Variants in TCF7L1 observed in about 807,000 individuals in gnomAD.
TCF7L1 encodes the protein transcription factor 7 like 1, also known as transcription factor 7-like 1.
In TCF7L1, 18 loss-of-function variants were observed where a neutral mutation model predicts 63.7. The observed-to-expected ratio is 0.28, with a 90% CI of 0.20 to 0.42. The LOEUF is 0.42. Ranked by LOEUF, TCF7L1 falls within the 10% of genes least tolerant of loss-of-function variation. The pLI is 1.00. For missense variants in TCF7L1, 654 were observed against 779.3 expected (o/e 0.84, Z 1.91); for synonymous variants, 355 against 340.9 (o/e 1.04, Z -0.46).
intron 3 of TCF7L1, among the ~76,000 whole-genome samples, chr2:85,189,121 C>T (rs1678993417): frequency 6.6e-6 from 1 of 152,144 alleles, no homozygotes; most frequent in African/African-American, 2.4e-5. Context: ...GTGGAGGCTG[C>T]CCTTCCCCCC....
intron 3 of TCF7L1, among the ~76,000 whole-genome samples, chr2:85,234,131 CTTTT>C (rs35508338): frequency 3.1e-5 from 2 of 65,210 alleles, no homozygotes; most frequent in East Asian, 7.8e-4. Context: ...TTTTTCTTTT[CTTTT>C]TTTTTTTTTT....
In TCF7L1 at chr2:85,302,676, G is replaced by C. The variant is rs572509646; in HGVS notation, c.658+60G>C. On this transcript the variant is annotated intron_variant, in intron 5 of 11. Coordinates refer to ENST00000282111, the MANE Select transcript of TCF7L1 (RefSeq NM_031283.3). ...GGGCAGGCGGGCTTCTCTTTTGTGGGAACATAACAGCCCTTGAATCAGGCT... is the reference window on the plus strand; with the variant it reads ...GGGCAGGCGGGCTTCTCTTTTGTGGCAACATAACAGCCCTTGAATCAGGCT... 8.4e-4 allele frequency: 1,326 copies of C among 1,572,606 alleles called. 2 individuals carry two copies. The highest frequency in any genetic ancestry group is 1.1e-3 in the Non-Finnish European group (1,227 of 1,159,898).
chr2:85,287,338 TAAATC>T (rs1266446810), intron 4 of TCF7L1, among the ~76,000 whole-genome samples: 3 of 152,236 alleles, frequency 2.0e-5, no homozygotes, highest in Non-Finnish European at 4.4e-5. Flanking sequence ...TTTATTCAAA[TAAATC>T]AACTCTTCAT....
chr2:85,291,046 C>T (rs1275682732), intron 4 of TCF7L1, among the ~76,000 whole-genome samples: 2 of 152,214 alleles, frequency 1.3e-5, no homozygotes, highest in African/African-American at 2.4e-5. Flanking sequence ...TGACAGCCTT[C>T]CTTCCCTTTG....
chr2:85,217,818 A>G (rs569145137), intron 3 of TCF7L1, among the ~76,000 whole-genome samples: 1 of 152,266 alleles, frequency 6.6e-6, no homozygotes, highest in South Asian at 2.1e-4. Context: ...AAAATCTGAC[A>G]TGCCCCAGTC....
Position 85,134,157 on chromosome 2 carries a change from C to G in TCF7L1, c.313+78C>G. ...GCTCAGCCCGGGCGGCCCACCGTCCCCCTTGCTTGGGTGGACGCACCCTTG... is the reference window on the plus strand; with the variant it reads ...GCTCAGCCCGGGCGGCCCACCGTCCGCCTTGCTTGGGTGGACGCACCCTTG... On this transcript the variant is annotated intron_variant, in intron 2 of 11. Coordinates refer to ENST00000282111, the MANE Select transcript of TCF7L1 (RefSeq NM_031283.3). The surrounding 1 kb of genome is among the most constrained non-coding windows in gnomAD (Gnocchi z 5.0). 6.4e-7 allele frequency: 1 copy of G among 1,563,936 alleles called. No homozygotes were observed. Among genetic ancestry groups the G allele is most frequent in the Non-Finnish European group, 8.7e-7 (1 of 1,152,030 alleles).
chr2:85,227,173 A>T (rs537903848), intron 3 of TCF7L1, among the ~76,000 whole-genome samples: 4 of 152,180 alleles, frequency 2.6e-5, no homozygotes, highest in African/African-American at 9.6e-5. Flanking sequence ...TAACAACTCT[A>T]CCAAATCCCT....
chr2:85,155,893 G>C (rs187424627), intron 3 of TCF7L1, among the ~76,000 whole-genome samples: 1 of 152,106 alleles, frequency 6.6e-6, no homozygotes, highest in African/African-American at 2.4e-5. Context: ...ATGCCCCTTT[G>C]TACACTAATT....
intron 3 of TCF7L1, among the ~76,000 whole-genome samples, chr2:85,272,452 TG>T (rs1681172181): frequency 6.6e-6 from 1 of 152,176 alleles, no homozygotes; most frequent in African/African-American, 2.4e-5. Flanking sequence ...ATTATTTAAT[TG>T]GCTTTTCTCA....
At chr2:85,159,429 C>T (rs565724542) in intron 3 of TCF7L1, among the ~76,000 whole-genome samples, 104 of 152,326 alleles carry the variant, frequency 6.8e-4, no homozygotes, top group African/African-American at 2.4e-3. Context: ...CCTCTTTTGG[C>T]CTTTCTTCCG....
intron 3 of TCF7L1, among the ~76,000 whole-genome samples, chr2:85,215,188 C>T (rs941080218): frequency 6.6e-6 from 1 of 152,226 alleles, no homozygotes; most frequent in African/African-American, 2.4e-5. Context: ...CAGTTGCCCT[C>T]TCTCAGGTTC....
intron 3 of TCF7L1, among the ~76,000 whole-genome samples, chr2:85,214,071 A>G (rs1679634678): frequency 6.6e-6 from 1 of 152,106 alleles, no homozygotes; most frequent in Non-Finnish European, 1.5e-5. Context: ...GGGGAGTGCC[A>G]TGCTCAGCAG....
At chr2:85,170,401 A>T (rs1249641371) in intron 3 of TCF7L1, among the ~76,000 whole-genome samples, 1 of 152,190 alleles carries the variant, frequency 6.6e-6, no homozygotes, top group Non-Finnish European at 1.5e-5. Flanking sequence ...ATTGAGATAT[A>T]AAAAAATTTA....
chr2:85,281,666 G>A (rs768950244), intron 3 of TCF7L1, among the ~76,000 whole-genome samples: 10 of 152,126 alleles, frequency 6.6e-5, no homozygotes, highest in South Asian at 2.1e-4. Flanking sequence ...TACAGAGGTC[G>A]CAAAGTGAAA....
chr2:85,254,777 A>G lies in TCF7L1; in HGVS notation c.442-28718A>G, dbSNP rs551853867. Among the ~76,000 whole-genome samples, 6 of 152,284 alleles carry G rather than the reference A, an allele frequency of 3.9e-5. No homozygotes were observed. The East Asian group carries it at 1.2e-3, about 29-fold the overall frequency. On this transcript the variant is annotated intron_variant, in intron 3 of 11. Coordinates refer to ENST00000282111, the MANE Select transcript of TCF7L1 (RefSeq NM_031283.3). ...CCCCACCCTGTCTGGCATTAGTACT[A>G]AGAAGAGAATGAAGCTCAGAAAAAC...
At chr2:85,207,375 C>T (rs1407327572) in intron 3 of TCF7L1, among the ~76,000 whole-genome samples, 1 of 152,186 alleles carries the variant, frequency 6.6e-6, no homozygotes, top group Non-Finnish European at 1.5e-5. Context: ...GTGTGCTCTG[C>T]ACATCCCTGA....
At chr2:85,299,387 TA>T (rs1239832985) in intron 4 of TCF7L1, among the ~76,000 whole-genome samples, 1 of 147,456 alleles carries the variant, frequency 6.8e-6, no homozygotes, top group Non-Finnish European at 1.5e-5. Flanking sequence ...CCATCTCTAC[TA>T]AAAATACAAA....
chr2:85,309,809 C>T lies in TCF7L1; in HGVS notation c.*347C>T, dbSNP rs1486798316. On this transcript the variant is annotated 3_prime_UTR_variant, in exon 12 of 12. Coordinates refer to ENST00000282111, the MANE Select transcript of TCF7L1 (RefSeq NM_031283.3). ...GTCTCCTGTCTCTTCTCGCCCCTGC[C>T]GCCTGCCCCAGCTTCCCCGACTCCA... 13 of 234,212 alleles carry T rather than the reference C, an allele frequency of 5.6e-5. No homozygotes were observed. The highest frequency in any genetic ancestry group is 3.0e-4 in the South Asian group (2 of 6,752). 14.5% of individuals were successfully genotyped at this position (234,212 alleles called of 1,614,324 possible). A position where few individuals can be genotyped will look rare whatever the true frequency, so the allele number is the denominator to read the frequency against.
At chr2:85,171,678 G>A (rs1345104262) in intron 3 of TCF7L1, among the ~76,000 whole-genome samples, 1 of 152,220 alleles carries the variant, frequency 6.6e-6, no homozygotes, top group Non-Finnish European at 1.5e-5. Flanking sequence ...CAGTTTCACT[G>A]ATAGAGCCAG....
Sources: allele counts gnomAD v4.1 joint callset (sites outside exome capture counted in the v4.1 genomes callset), GRCh38; gene constraint gnomAD v4.1.1; non-coding constraint Gnocchi (gnomAD v3.1); transcripts MANE v1.5; gene names NCBI Gene and HGNC (gene_info 2026-07-23, HGNC 2026-07-21).